SPTBN2: variants seen among roughly 807,000 people sequenced by gnomAD.
SPTBN2 encodes the protein spectrin beta, non-erythrocytic 2.
Under a neutral mutation model 284.2 loss-of-function variants are expected in SPTBN2, and 107 were observed. The observed-to-expected ratio is 0.38, with a 90% CI of 0.32 to 0.44. The LOEUF (loss-of-function observed/expected upper bound fraction) is 0.44, where lower values mean the gene tolerates loss of function less well. Ranked by LOEUF, SPTBN2 falls within the 20% of genes least tolerant of loss-of-function variation. The pLI is 1.00. For missense variants in SPTBN2, 2,569 were observed against 3,287.1 expected, an observed-to-expected ratio of 0.78 and a Z score of 5.34; for synonymous variants, 1,289 against 1,354.8, an observed-to-expected ratio of 0.95 and a Z score of 1.07.
Position 66,708,842 on chromosome 11 carries a change from T to C in SPTBN2, c.1191+60A>G. 7.1e-7 allele frequency: 1 copy of C among 1,412,090 alleles called. No homozygotes were observed. Among genetic ancestry groups the C allele is most frequent in the East Asian group, 2.3e-5 (1 of 43,794 alleles). The allele number at this position is 1,412,090 out of a possible 1,614,324, so 87.5% of individuals were successfully genotyped here. A position where few individuals can be genotyped will look rare whatever the true frequency, so the allele number is the denominator to read the frequency against. On this transcript the variant is annotated intron_variant, in intron 11 of 37. Coordinates refer to ENST00000533211, the MANE Select transcript of SPTBN2 (RefSeq NM_006946.4). The surrounding 1 kb of genome is among the most constrained non-coding windows in gnomAD (Gnocchi z 4.4). The stretch of plus-strand genomic sequence containing the variant: ...ACATGGCCCCGGGTTTGGGGATGTG[T>C]GCAAGGCATCTGGGCCAGGGCCTGC...
Position 66,693,984 on chromosome 11 carries a change from C to A in SPTBN2, c.4504-123G>T. On this transcript the variant is annotated intron_variant, in intron 22 of 37. Coordinates refer to ENST00000533211, the MANE Select transcript of SPTBN2 (RefSeq NM_006946.4). This position sits in a 1 kb window ranked among gnomAD's most constrained non-coding sequence, Gnocchi z 5.7. Reference sequence around the variant, plus strand: ...GTGTGGGGAACAGTCATCTCTGGTTCTGGGAGGCATCTCCAAGTCTCCCTA... The same window carrying A: ...GTGTGGGGAACAGTCATCTCTGGTTATGGGAGGCATCTCCAAGTCTCCCTA... The A allele has an allele frequency of 7.7e-7, 1 of 1,301,670 alleles. No individual in the cohort carries two copies. Among genetic ancestry groups the A allele is most frequent in the Non-Finnish European group, 1.1e-6 (1 of 929,208 alleles). 80.6% of individuals were successfully genotyped at this position (1,301,670 alleles called of 1,614,324 possible). A position where few individuals can be genotyped will look rare whatever the true frequency, so the allele number is the denominator to read the frequency against.
chr11:66,726,500 G>A (rs2135587989), intron 1 of SPTBN2, among the ~76,000 whole-genome samples: 1 of 152,332 alleles, frequency 6.6e-6, no homozygotes, highest in African/African-American at 2.4e-5. Context: ...AGCTGGAATT[G>A]GTTAGAGGAG....
At position 66,696,349 on chromosome 11, in the gene SPTBN2, C is replaced by G; in HGVS notation, c.4206G>C (p.Leu1402=). The G allele has an allele frequency of 1.2e-6, 2 of 1,613,304 alleles. No homozygotes were observed. Among genetic ancestry groups the G allele is most frequent in the Non-Finnish European group, 1.7e-6 (2 of 1,180,040 alleles). Residue 1402 remains leucine, a synonymous_variant, in exon 21 of 38, where the codon CTG becomes CTC. Coordinates refer to ENST00000533211, the MANE Select transcript of SPTBN2 (RefSeq NM_006946.4). The stretch of plus-strand genomic sequence containing the variant: ...AGTCATCCGAGTGCAGCTGGGCCTG[C>G]AGGCTCTCCAGCCAGCTCTCCAGGG... ...CCALESWLES[L]QAQLHSDDYG...
chr11:66,702,937 C>CAAAAAAA (rs1170116245), intron 15 of SPTBN2, among the ~76,000 whole-genome samples: 1 of 42,636 alleles, frequency 2.3e-5, no homozygotes, highest in Admixed American at 3.6e-4. Context: ...GACTCCGTCT[C>CAAAAAAA]AAAAAAAAAA....
At chr11:66,686,314 A>C (rs1239539323) in intron 37 of SPTBN2, 84 bp downstream of exon 37, 2 of 1,565,770 alleles carry the variant, frequency 1.3e-6, no homozygotes, top group East Asian at 2.3e-5. Context: ...CAGGAAAAAG[A>C]GGGAGGACAG....
intron 36 of SPTBN2, 43 bp from the exon 37 acceptor site, chr11:66,686,483 A>G (rs1323274059): frequency 1.2e-6 from 2 of 1,607,626 alleles, no homozygotes; most frequent in Non-Finnish European, 1.7e-6. Context: ...GAGAATCCGG[A>G]TCTGCCAGGT....
chr11:66,701,608 T>C lies in SPTBN2; in HGVS notation c.2792A>G (p.Asn931Ser), dbSNP rs1345097576. ...CCTGTGGTTGAGCTGCTCCTGGGTG[T>C]TGACAATGCGGTCTTTGCCTGGGGG... ...ANPPGKDRIV[N>S]TQEQLNHRWQ... Residue 931 changes from asparagine (N) to serine (S), a missense_variant, in exon 16 of 38, where the codon AAC (asparagine) becomes AGC (serine). This residue lies in a region of SPTBN2 where 1,012 missense variants were observed against 1,248.9 expected (regional missense o/e 0.81). Transcript: ENST00000533211. The C allele has an allele frequency of 5.6e-6, 9 of 1,614,138 alleles. No homozygotes were observed. The highest frequency in any genetic ancestry group is 7.6e-6 in the Non-Finnish European group (9 of 1,180,032).
At position 66,704,745 on chromosome 11, in the gene SPTBN2, C is replaced by T; in HGVS notation, c.2531G>A (p.Arg844Gln). 1.2e-6 allele frequency: 2 copies of T among 1,603,514 alleles called. No individual in the cohort carries two copies. Among genetic ancestry groups the T allele is most frequent in the Non-Finnish European group, 8.5e-7 (1 of 1,176,596 alleles). The change falls in exon 15 of 38, where the codon CGA (arginine) becomes CAA (glutamine). Residue 844 changes from arginine to glutamine, a missense_variant. By Grantham distance (43) the Arg-to-Gln change is conservative. Coordinates refer to ENST00000533211, the MANE Select transcript of SPTBN2 (RefSeq NM_006946.4). ...YEELQARAGE[R>Q]ARALEAALAL... The stretch of plus-strand genomic sequence containing the variant: ...CAGGGCTGCCTCCAAGGCCCGCGCT[C>T]GCTCGCCTGCCCGGGCCTGCAGCTC...
At position 66,715,922 on chromosome 11, in the gene SPTBN2, G is replaced by A. The variant is rs536375005; in HGVS notation, c.217C>T (p.Arg73Trp). ...AGGTCCCCCACCCGGCACGTGACCC[G>A]GGCCAGGTGCGAGTTTACCCACTTG... ...FTKWVNSHLA[R>W]VTCRVGDLYS... The change falls in exon 4 of 38, where the codon CGG becomes TGG. Residue 73 changes from arginine (R) to tryptophan (W), a missense_variant. Physicochemically the swap from Arg to Trp is moderately radical, Grantham distance 101. Around this residue, in one of 6 missense-constraint regions of SPTBN2, gnomAD observed 304 missense variants for 522.1 expected, o/e 0.58. Coordinates refer to ENST00000533211, the MANE Select transcript of SPTBN2 (RefSeq NM_006946.4). The surrounding 1 kb of genome is among the most constrained non-coding windows in gnomAD (Gnocchi z 5.3). 8 of 1,614,066 alleles carry A rather than the reference G, an allele frequency of 5.0e-6. No homozygotes were observed. The highest frequency in any genetic ancestry group is 4.0e-5 in the African/African-American group (3 of 75,016).
intron 26 of SPTBN2, among the ~76,000 whole-genome samples, chr11:66,692,138 C>T (rs964630991): frequency 1.3e-5 from 2 of 152,086 alleles, no homozygotes; most frequent in African/African-American, 2.4e-5. Context: ...AGTGCACTAG[C>T]GCAATCACTG....
At position 66,686,655 on chromosome 11, in the gene SPTBN2, C is replaced by T. The variant is rs1590903949; in HGVS notation, c.6897-215G>A. 9.2e-6 allele frequency: 6 copies of T among 652,058 alleles called. No homozygotes were observed. In the East Asian group the frequency reaches 1.6e-4, roughly 18 times the overall value. 40.4% of individuals were successfully genotyped at this position (652,058 alleles called of 1,614,324 possible). ...CCCCAGAGGCAGGGGGAGCTCACTT[C>T]CACCCCAGCCCGGGCCTCCTGCTCC... On this transcript the variant is annotated intron_variant, in intron 36 of 37. Transcript: ENST00000533211.
At chr11:66,692,415 G>T in intron 26 of SPTBN2, 121 bp downstream of exon 26, 1 of 1,189,918 alleles carries the variant, frequency 8.4e-7, no homozygotes, top group Non-Finnish European at 1.2e-6. Flanking sequence ...GACAGTGCCT[G>T]CTCAGCCTGG....
At position 66,698,360 on chromosome 11, in the gene SPTBN2, C is replaced by T. The variant is rs537617205; in HGVS notation, c.4014+279G>A. Among the ~76,000 whole-genome samples, 3 of 152,376 alleles carry T rather than the reference C, an allele frequency of 2.0e-5. No individual in the cohort carries two copies. The South Asian group carries it at 6.2e-4, about 32-fold the overall frequency. On this transcript the variant is annotated intron_variant, in intron 20 of 37. Coordinates refer to ENST00000533211, the MANE Select transcript of SPTBN2 (RefSeq NM_006946.4). ...AAGGTTTGCAGAGCCTGCTGAAGAGCACCATCCTGCTTTGAACTCAGGAAC... is the reference window on the plus strand; with the variant it reads ...AAGGTTTGCAGAGCCTGCTGAAGAGTACCATCCTGCTTTGAACTCAGGAAC...
Position 66,701,197 on chromosome 11 carries a change from T to C in SPTBN2, c.2902A>G (p.Thr968Ala). ...LSIQNYHLEC[T>A]ETQAWMREKT... ...TCTCTCATCCAGGCCTGGGTCTCCG[T>C]GCACTCTAAGTGGTAGTTCTGGATG... The change falls in exon 17 of 38, where the codon ACG (threonine) becomes GCG (alanine). Residue 968 changes from threonine to alanine, a missense_variant. Physicochemically the swap from Thr to Ala is moderately conservative, Grantham distance 58. Coordinates refer to ENST00000533211, the MANE Select transcript of SPTBN2 (RefSeq NM_006946.4). The C allele has an allele frequency of 6.2e-7, 1 of 1,613,164 alleles. No homozygotes were observed.
intron 3 of SPTBN2, among the ~76,000 whole-genome samples, chr11:66,717,393 C>T (rs1017977038): frequency 3.3e-5 from 5 of 152,080 alleles, no homozygotes; most frequent in Non-Finnish European, 7.4e-5. Context: ...CTTTTGCTTC[C>T]GTCTCAGCAC....
At chr11:66,697,786 A>G (rs1941003072) in intron 20 of SPTBN2, among the ~76,000 whole-genome samples, 1 of 152,180 alleles carries the variant, frequency 6.6e-6, no homozygotes, top group African/African-American at 2.4e-5. Flanking sequence ...TCCTGGCTAC[A>G]GTGTTGTTCC....
Position 66,705,275 on chromosome 11 carries a change from G to T in SPTBN2, c.2001C>A (p.Ala667=), listed in dbSNP as rs767441529. 1.3e-6 allele frequency: 2 copies of T among 1,595,896 alleles called. No individual in the cohort carries two copies. Among genetic ancestry groups the T allele is most frequent in the South Asian group, 1.1e-5 (1 of 90,058 alleles). ...CACCGGTCAGGTCTCGGCCCGTGTC[G>T]GCTGAGGCCAGGAGGTGCTGCTGCT... is the stretch of plus-strand genomic sequence containing the variant. ...VREQQHLLAS[A]DTGRDLTGAL... Residue 667 remains alanine, a synonymous_variant, in exon 15 of 38, where the codon GCC becomes GCA. Transcript: ENST00000533211.
At position 66,701,058 on chromosome 11, in the gene SPTBN2, C is replaced by A; in HGVS notation, c.3041G>T (p.Arg1014Leu). The A allele has an allele frequency of 6.2e-7, 1 of 1,610,346 alleles. No individual in the cohort carries two copies. Among genetic ancestry groups the A allele is most frequent in the Non-Finnish European group, 8.5e-7 (1 of 1,179,828 alleles). ...TERDLEAIAA[R>L]VGELTREANA... ...TGCCTCTCGAGTCAGTTCGCCCACCCGGGCGGCGATGGCCTCCAGGTCCCG... is the reference window on the plus strand; with the variant it reads ...TGCCTCTCGAGTCAGTTCGCCCACCAGGGCGGCGATGGCCTCCAGGTCCCG... The change falls in exon 17 of 38, where the codon CGG becomes CTG. Residue 1014 changes from arginine (R) to leucine (L), a missense_variant. Arg to Leu is a moderately radical substitution (Grantham distance 102). Around this residue, in one of 6 missense-constraint regions of SPTBN2, gnomAD observed 1,012 missense variants for 1,248.9 expected, o/e 0.81. Coordinates refer to ENST00000533211, the MANE Select transcript of SPTBN2 (RefSeq NM_006946.4).
chr11:66,713,528 T>C, intron 8 of SPTBN2, 103 bp downstream of exon 8: 2 of 848,586 alleles, frequency 2.4e-6, no homozygotes, highest in Non-Finnish European at 4.1e-6. Flanking sequence ...CCTGTATCAG[T>C]TGGTGGTTAC....
Sources: gnomAD v4.1 joint callset for allele counts (sites outside exome capture counted in the v4.1 genomes callset) on GRCh38, gnomAD v4.1.1 for gene constraint, gnomAD v4.1.1 regional missense constraint, Gnocchi (gnomAD v3.1) non-coding constraint, MANE v1.5 for transcripts, NCBI Gene and HGNC (gene_info 2026-07-23, HGNC 2026-07-21) for gene names.